F13A1: variants seen among roughly 807,000 people sequenced by gnomAD.
F13A1 encodes the protein FSF, A subunit.
A neutral mutation model predicts 80.1 loss-of-function variants in F13A1; 47 were observed. The observed-to-expected ratio is 0.59, with a 90% CI of 0.46 to 0.75. The LOEUF (loss-of-function observed/expected upper bound fraction) is 0.75, where lower values mean the gene tolerates loss of function less well. Among genes scored for constraint, F13A1 ranks in the 30% least tolerant of loss-of-function variants. The probability of loss-of-function intolerance (pLI) is 0.00; values close to 1 mark genes in which losing one functional copy is unlikely to be tolerated. For synonymous variants in F13A1, 349 were observed against 344.9 expected (o/e 1.01, Z -0.13); for missense variants, 817 against 930.4 (o/e 0.88, Z 1.59).
chr6:6,194,567 C>A (rs780590853), intron 10 of F13A1, among the ~76,000 whole-genome samples: 84 of 152,276 alleles, frequency 5.5e-4, no homozygotes, highest in Middle Eastern at 6.8e-3. Flanking sequence ...GTCTTGTGGT[C>A]TTTGCCATCC....
chr6:6,239,893 CAGG>C (rs748059105), intron 6 of F13A1, among the ~76,000 whole-genome samples: 1 of 152,036 alleles, frequency 6.6e-6, no homozygotes, highest in African/African-American at 2.4e-5. Flanking sequence ...AAGGATGTAA[CAGG>C]AGGAGACAGG....
chr6:6,211,039 T>G (rs752522331), intron 8 of F13A1, among the ~76,000 whole-genome samples: 8 of 152,186 alleles, frequency 5.3e-5, no homozygotes, highest in Non-Finnish European at 8.8e-5. Context: ...TCAATAAGGA[T>G]GTCATTTTAA....
chr6:6,296,508 A>T (rs979227919), intron 3 of F13A1, among the ~76,000 whole-genome samples: 2 of 150,762 alleles, frequency 1.3e-5, no homozygotes, highest in African/African-American at 4.9e-5. Flanking sequence ...CTTTGAAGCA[A>T]TTGTGAATGG....
At chr6:6,205,554 T>G (rs532127310) in intron 8 of F13A1, among the ~76,000 whole-genome samples, 1 of 152,312 alleles carries the variant, frequency 6.6e-6, no homozygotes, top group East Asian at 1.9e-4. Context: ...GCCTTTCCAC[T>G]CTCTTCTTAA....
At chr6:6,173,857 C>G (rs921190640) in intron 12 of F13A1, among the ~76,000 whole-genome samples, 20 of 152,174 alleles carry the variant, frequency 1.3e-4, no homozygotes, top group Non-Finnish European at 4.4e-5. Context: ...GCTCCACAAA[C>G]TCTCCTGTAC....
At chr6:6,186,734 A>C (rs1319186511) in intron 10 of F13A1, among the ~76,000 whole-genome samples, 2 of 152,040 alleles carry the variant, frequency 1.3e-5, no homozygotes, top group Non-Finnish European at 2.9e-5. Context: ...TATGAACTTT[A>C]AAGTAGTTTT....
At position 6,145,295 on chromosome 6, in the gene F13A1, A is replaced by G; in HGVS notation, c.*324T>C. 5.4e-6 allele frequency: 2 copies of G among 370,156 alleles called. No homozygotes were observed. Among genetic ancestry groups the G allele is most frequent in the South Asian group, 4.6e-5 (2 of 43,216 alleles). The allele number at this position is 370,156 out of a possible 1,614,324, so 22.9% of individuals were successfully genotyped here. On this transcript the variant is annotated 3_prime_UTR_variant, in exon 15 of 15. Transcript: ENST00000264870. ...AGGTATTGAGCAAATCTCCCTGGTA[A>G]GAGAGCCCACTGATATTTGGAGATG... is the stretch of plus-strand genomic sequence containing the variant.
Position 6,255,478 on chromosome 6 carries a change from A to G in F13A1, c.572-4549T>C, listed in dbSNP as rs961544973. Among the ~76,000 whole-genome samples the G allele has an allele frequency of 5.0e-4, 76 of 152,234 alleles. 1 individual carries two copies. The highest frequency in any genetic ancestry group is 1.8e-3 in the African/African-American group (73 of 41,504). ...AAGTAGTCCATGGCTCTTGGGTCCA[A>G]AGGATCGGATGACTGCGTCCCCAGC... On this transcript the variant is annotated intron_variant, in intron 4 of 14. Coordinates refer to ENST00000264870, the MANE Select transcript of F13A1 (RefSeq NM_000129.4).
intron 6 of F13A1, 136 bp from the exon 7 acceptor site, chr6:6,224,996 G>A (rs1210701616): frequency 6.6e-6 from 6 of 913,308 alleles, no homozygotes; most frequent in Non-Finnish European, 8.7e-6. Flanking sequence ...ACTTCTGTTC[G>A]GTTTACCATT....
intron 3 of F13A1, among the ~76,000 whole-genome samples, chr6:6,288,193 T>C (rs1440098370): frequency 6.6e-6 from 1 of 152,210 alleles, no homozygotes; most frequent in Non-Finnish European, 1.5e-5. Context: ...AAATCTATTC[T>C]TTTAGCAATT....
chr6:6,165,927 T>G (rs559857127), intron 13 of F13A1, among the ~76,000 whole-genome samples: 1 of 152,256 alleles, frequency 6.6e-6, no homozygotes, highest in Non-Finnish European at 1.5e-5. Context: ...CAAAGAGACA[T>G]GACAATGTAG....
intron 12 of F13A1, among the ~76,000 whole-genome samples, chr6:6,171,897 C>G (rs907679043): frequency 6.6e-6 from 1 of 152,198 alleles, no homozygotes; most frequent in African/African-American, 2.4e-5. Context: ...CACTTCTGAC[C>G]TTCACTCAGG....
intron 3 of F13A1, among the ~76,000 whole-genome samples, chr6:6,293,076 G>T (rs1277301300): frequency 6.6e-6 from 1 of 152,132 alleles, no homozygotes; most frequent in Non-Finnish European, 1.5e-5. Flanking sequence ...GCTTGAATCT[G>T]TGAGGGCCAT....
chr6:6,167,367 C>A, intron 13 of F13A1, 91 bp downstream of exon 13: 7 of 1,273,262 alleles, frequency 5.5e-6, no homozygotes, highest in African/African-American at 1.5e-5. Context: ...TTCATTCACA[C>A]ACACACACAC....
chr6:6,313,627 G>A (rs1758638293), intron 2 of F13A1, among the ~76,000 whole-genome samples: 1 of 151,698 alleles, frequency 6.6e-6, no homozygotes, highest in African/African-American at 2.4e-5. Flanking sequence ...GCAATTTTTG[G>A]TAATATTGTT....
chr6:6,278,530 G>A (rs1253861086), intron 3 of F13A1, among the ~76,000 whole-genome samples: 1 of 152,146 alleles, frequency 6.6e-6, no homozygotes, highest in African/African-American at 2.4e-5. Flanking sequence ...TCTGAGCAGG[G>A]GAATTGGGGG....
intron 8 of F13A1, among the ~76,000 whole-genome samples, chr6:6,207,705 C>T (rs1483593043): frequency 6.6e-6 from 1 of 152,218 alleles, no homozygotes; most frequent in African/African-American, 2.4e-5. Context: ...TTCCCCAACA[C>T]ACACACAACG....
intron 8 of F13A1, among the ~76,000 whole-genome samples, chr6:6,204,040 G>C (rs2151084616): frequency 6.6e-6 from 1 of 152,296 alleles, no homozygotes. Flanking sequence ...CATATCCAGA[G>C]GTATAGGAGC....
At chr6:6,148,034 T>G (rs423021) in intron 14 of F13A1, among the ~76,000 whole-genome samples, 148,122 of 152,284 alleles carry the variant, frequency 0.97, 72,354 homozygotes, top group Middle Eastern at 1. Flanking sequence ...TCCTCTGTGC[T>G]TCTAGACCTT....
Sources: gnomAD v4.1 joint callset for allele counts (sites outside exome capture counted in the v4.1 genomes callset) on GRCh38, gnomAD v4.1.1 for gene constraint, MANE v1.5 for transcripts, NCBI Gene and HGNC (gene_info 2026-07-23, HGNC 2026-07-21) for gene names.